Variants in YBX1 observed in about 807,000 individuals in gnomAD.
The protein encoded by YBX1 is Y-box binding protein 1.
YBX1 carries 3 observed loss-of-function variants against 41.4 expected under a neutral mutation model. The ratio of observed to expected loss-of-function variants is 0.07; its 90% CI spans 0.03 to 0.19. The LOEUF (loss-of-function observed/expected upper bound fraction) is 0.19, where lower values mean the gene tolerates loss of function less well. YBX1 is among the 10% of genes least tolerant of loss of function. The pLI is 1.00. For missense variants in YBX1, 274 were observed against 462.8 expected, an observed-to-expected ratio of 0.59 and a Z score of 3.74; for synonymous variants, 133 against 165.8, an observed-to-expected ratio of 0.80 and a Z score of 1.52.
intron 2 of YBX1, among the ~76,000 whole-genome samples, chr1:42,687,770 G>A (rs1650232927): frequency 6.6e-6 from 1 of 152,118 alleles, no homozygotes; most frequent in African/African-American, 2.4e-5. Flanking sequence ...CCTTTGGAAG[G>A]ATGTCATTAC....
chr1:42,701,873 A>C (rs1650609348), intron 7 of YBX1, 108 bp from the exon 8 acceptor site: 1 of 152,580 alleles, frequency 6.6e-6, no homozygotes, highest in African/African-American at 2.4e-5. Flanking sequence ...ATGGCAAGAG[A>C]TCTGTTAATG....
intron 6 of YBX1, among the ~76,000 whole-genome samples, chr1:42,699,152 A>C (rs548863989): frequency 1.3e-5 from 2 of 152,180 alleles, no homozygotes; most frequent in Non-Finnish European, 2.9e-5. Flanking sequence ...TTTCTTTCTC[A>C]GAGAGGGTAG....
chr1:42,701,145 A>T, intron 7 of YBX1, 99 bp downstream of exon 7: 1 of 800,236 alleles, frequency 1.2e-6, no homozygotes, highest in Non-Finnish European at 2.0e-6. Flanking sequence ...TCCATCAGAT[A>T]ATGAAAGCCA....
intron 2 of YBX1, among the ~76,000 whole-genome samples, chr1:42,683,788 A>C (rs919108179): frequency 6.6e-6 from 1 of 152,190 alleles, no homozygotes; most frequent in Admixed American, 6.5e-5. Context: ...GGTCCAGTAC[A>C]TTTTTATCCT....
At chr1:42,691,995 C>T (rs1320820106) in intron 2 of YBX1, among the ~76,000 whole-genome samples, 1 of 152,124 alleles carries the variant, frequency 6.6e-6, no homozygotes, top group African/African-American at 2.4e-5. Context: ...GGACTATAGG[C>T]ACACACAGCC....
At chr1:42,685,303 C>T (rs373578546) in intron 2 of YBX1, among the ~76,000 whole-genome samples, 3 of 152,242 alleles carry the variant, frequency 2.0e-5, no homozygotes, top group East Asian at 3.9e-4. Flanking sequence ...ATTGGTCATC[C>T]TCCAGGGCAA....
At chr1:42,697,885 T>C (rs1223254682) in intron 6 of YBX1, among the ~76,000 whole-genome samples, 1 of 152,182 alleles carries the variant, frequency 6.6e-6, no homozygotes, top group Non-Finnish European at 1.5e-5. Flanking sequence ...CGTAGTATAC[T>C]TTGAGGCAGT....
Position 42,683,606 on chromosome 1 carries a change from TTTG to T in YBX1, c.230+152_230+154del, listed in dbSNP as rs147102163. ...TACCTCTGGTGTATTAGTATGATTT[TTTG>T]TTGTTGTTGTTTTCCTTGATTAGGG... is the stretch of plus-strand genomic sequence containing the variant. On this transcript the variant is annotated intron_variant, in intron 2 of 7. Coordinates refer to ENST00000321358, the MANE Select transcript of YBX1 (RefSeq NM_004559.5). 3.6e-3 allele frequency: 3,245 copies of T among 900,530 alleles called. 64 individuals are homozygous for T. In the African/African-American group the frequency reaches 0.043, roughly 12 times the overall value. 55.8% of individuals were successfully genotyped at this position (900,530 alleles called of 1,614,324 possible).
chr1:42,688,839 C>G (rs1650262332), intron 2 of YBX1, among the ~76,000 whole-genome samples: 1 of 152,208 alleles, frequency 6.6e-6, no homozygotes, highest in Non-Finnish European at 1.5e-5. Context: ...AAGTGCAGTA[C>G]TGTACATGTA....
intron 2 of YBX1, among the ~76,000 whole-genome samples, chr1:42,686,012 T>C (rs1431303799): frequency 6.6e-6 from 1 of 152,218 alleles, no homozygotes; most frequent in Non-Finnish European, 1.5e-5. Context: ...AGTTATTCTT[T>C]TGTGAACTGT....
Position 42,696,516 on chromosome 1 carries a change from C to CCG in YBX1, c.355-125_355-124insGC, listed in dbSNP as rs1650462806. ...ACCCCTGGTCACGCAGTTGCGCCCC[C>CCG]CCCCCCTTTTTTTTCCTTAACTTTG... On this transcript the variant is annotated intron_variant, in intron 4 of 7. Coordinates refer to ENST00000321358, the MANE Select transcript of YBX1 (RefSeq NM_004559.5). This position sits in a 1 kb window ranked among gnomAD's most constrained non-coding sequence, Gnocchi z 5.7. 2.9e-6 allele frequency: 2 copies of CCG among 693,920 alleles called. No individual in the cohort carries two copies. Among genetic ancestry groups the CCG allele is most frequent in the Admixed American group, 3.1e-5 (1 of 31,808 alleles). The allele number at this position is 693,920 out of a possible 1,614,324, so 43.0% of individuals were successfully genotyped here.
intron 2 of YBX1, among the ~76,000 whole-genome samples, chr1:42,686,515 C>T (rs1229019920): frequency 6.6e-6 from 1 of 152,160 alleles, no homozygotes; most frequent in Non-Finnish European, 1.5e-5. Context: ...TCACGCCTGG[C>T]CTCTGTGTAT....
intron 6 of YBX1, among the ~76,000 whole-genome samples, chr1:42,698,299 A>T (rs1046940589): frequency 2.6e-5 from 4 of 152,186 alleles, no homozygotes; most frequent in Admixed American, 6.5e-5. Flanking sequence ...ATGTCATCAT[A>T]TTTTTTGTAT....
At chr1:42,686,069 T>TC (rs1390771312) in intron 2 of YBX1, among the ~76,000 whole-genome samples, 22 of 152,258 alleles carry the variant, frequency 1.4e-4, no homozygotes, top group Non-Finnish European at 2.4e-4. Context: ...GTTTATTAGC[T>TC]CCCCCCAGAT....
At chr1:42,698,968 A>G (rs1011175065) in intron 6 of YBX1, among the ~76,000 whole-genome samples, 13 of 152,332 alleles carry the variant, frequency 8.5e-5, no homozygotes, top group African/African-American at 3.1e-4. Flanking sequence ...GAGCAAACTG[A>G]AAGGGAAATC....
In YBX1 at chr1:42,682,512, C is replaced by A. The variant is rs1295452147; in HGVS notation, c.-54C>A. 2 of 1,405,480 alleles carry A rather than the reference C, an allele frequency of 1.4e-6. No individual in the cohort carries two copies. Among genetic ancestry groups the A allele is most frequent in the East Asian group, 3.1e-5 (1 of 32,494 alleles). The allele number at this position is 1,405,480 out of a possible 1,614,324, so 87.1% of individuals were successfully genotyped here. ...CGCCGCCGGCCTAGTTACCATCACACCCCGGGAGGAGCCGCAGCTGCCGCA... is the reference window on the plus strand; with the variant it reads ...CGCCGCCGGCCTAGTTACCATCACAACCCGGGAGGAGCCGCAGCTGCCGCA... On this transcript the variant is annotated 5_prime_UTR_variant, in exon 1 of 8. Transcript: ENST00000321358.
chr1:42,682,737 G>T lies in YBX1; in HGVS notation c.166+6G>T. ...CGGGGACAAGAAGGTCATCGGTGAG[G>T]ACCGGACAGGGACGGGGGTGGGGCC... On this transcript the variant is annotated splice_donor_region_variant and intron_variant, in intron 1 of 7. Transcript: ENST00000321358. The T allele has an allele frequency of 8.1e-7, 1 of 1,229,696 alleles. No homozygotes were observed. Among genetic ancestry groups the T allele is most frequent in the Non-Finnish European group, 1.0e-6 (1 of 988,974 alleles). The allele number at this position is 1,229,696 out of a possible 1,614,324, so 76.2% of individuals were successfully genotyped here. A position where few individuals can be genotyped will look rare whatever the true frequency, so the allele number is the denominator to read the frequency against.
intron 2 of YBX1, among the ~76,000 whole-genome samples, chr1:42,688,982 C>T (rs1650265289): frequency 1.3e-5 from 2 of 152,146 alleles, no homozygotes; most frequent in African/African-American, 2.4e-5. Context: ...ACGAGTAAGC[C>T]ATTAAATTTT....
rs1650647953 is a variant in YBX1 at position 42,703,172 on chromosome 1, C to G, written c.*1223C>G. On this transcript the variant is annotated 3_prime_UTR_variant, in exon 8 of 8. Coordinates refer to ENST00000321358, the MANE Select transcript of YBX1 (RefSeq NM_004559.5). The stretch of plus-strand genomic sequence containing the variant: ...ATCTCTTGACCTTGTGATCCGCCCG[C>G]CTCAGCCTCCCAAAGTGCTGGGATT... 6.6e-6 allele frequency among the ~76,000 whole-genome samples: 1 copy of G among 152,170 alleles called. No individual in the cohort carries two copies. The highest frequency in any genetic ancestry group is 2.4e-5 in the African/African-American group (1 of 41,430).
Sources: gnomAD v4.1 joint callset for allele counts (sites outside exome capture counted in the v4.1 genomes callset) on GRCh38, gnomAD v4.1.1 for gene constraint, Gnocchi (gnomAD v3.1) non-coding constraint, MANE v1.5 for transcripts, NCBI Gene and HGNC (gene_info 2026-07-23, HGNC 2026-07-21) for gene names.